The following GIPC2 variants were observed in gnomAD, a reference collection of about 807,000 sequenced individuals.
GIPC2 encodes the protein GIPC PDZ domain containing family member 2, also known as PDZ domain-containing protein GIPC2.
In GIPC2, 30 loss-of-function variants were observed where a neutral mutation model predicts 30.6. The observed-to-expected ratio is 0.98, with a 90% confidence interval of 0.73 to 1.33. GIPC2 has a LOEUF of 1.33. Ranked by LOEUF, GIPC2 falls within the 40% of genes most tolerant of loss-of-function variation. GIPC2 has a pLI of 0.00. For synonymous variants in GIPC2, 167 were observed against 150.0 expected (o/e 1.11, Z -0.83); for missense variants, 414 against 390.3 (o/e 1.06, Z -0.51).
chr1:78,106,850 AT>A (rs1557544877), intron 3 of GIPC2, among the ~76,000 whole-genome samples: 3 of 150,960 alleles, frequency 2.0e-5, no homozygotes. Flanking sequence ...CTAATTTTGT[AT>A]TTTTAGTAGA....
At position 78,046,041 on chromosome 1, in the gene GIPC2, G is replaced by C. The variant is rs1016829519; in HGVS notation, c.-54G>C. The C allele has an allele frequency of 9.6e-5, 135 of 1,399,990 alleles. No individual in the cohort carries two copies. The highest frequency in any genetic ancestry group is 2.2e-4 in the Admixed American group (6 of 26,736). The allele number at this position is 1,399,990 out of a possible 1,614,324, so 86.7% of individuals were successfully genotyped here. ...GGGGCGCAAAGTCCGAGGCGCCGGG[G>C]GGAGGAGGCGGCGGACGGCAGCGCA... On this transcript the variant is annotated 5_prime_UTR_variant, in exon 1 of 6. Transcript: ENST00000370759.
At chr1:78,091,451 G>T in intron 2 of GIPC2, 1 of 603,332 alleles carries the variant, frequency 1.7e-6, no homozygotes, top group Non-Finnish European at 3.0e-6. Context: ...CCTTTGCCTG[G>T]CTTGGTGGCT....
intron 5 of GIPC2, among the ~76,000 whole-genome samples, chr1:78,128,666 A>G (rs543413266): frequency 1.8e-4 from 28 of 152,340 alleles, no homozygotes; most frequent in South Asian, 1.5e-3. Context: ...ACATACGCAT[A>G]GATGTATTTA....
chr1:78,070,398 G>A (rs1291419785), intron 1 of GIPC2, among the ~76,000 whole-genome samples: 1 of 152,156 alleles, frequency 6.6e-6, no homozygotes, highest in Admixed American at 6.5e-5. Context: ...AAATTTAACA[G>A]CACCTGACGG....
chr1:78,083,386 T>C (rs189091873), intron 2 of GIPC2, among the ~76,000 whole-genome samples: 122 of 152,334 alleles, frequency 8.0e-4, no homozygotes, highest in Non-Finnish European at 1.5e-3. Context: ...AGAAGGTACA[T>C]GAAACTGGTT....
At chr1:78,075,509 G>A (rs749436816) in intron 1 of GIPC2, among the ~76,000 whole-genome samples, 1 of 152,280 alleles carries the variant, frequency 6.6e-6, no homozygotes, top group South Asian at 2.1e-4. Context: ...GCAACTCACC[G>A]ATGTCACCAA....
chr1:78,094,978 C>T lies in GIPC2; in HGVS notation c.453C>T (p.Asp151=), dbSNP rs763440770. 2.5e-6 allele frequency: 4 copies of T among 1,600,860 alleles called. No homozygotes were observed. Among genetic ancestry groups the T allele is most frequent in the East Asian group, 4.5e-5 (2 of 44,812 alleles). The change falls in exon 3 of 6, where the codon GAC becomes GAT. Residue 151 remains aspartate, a synonymous_variant. Transcript: ENST00000370759. ...GAATTAAAGATGGTGGTGTTATTGA[C>T]TCAGTTAAAACAATCTGTGTTGGGG... The part of the protein sequence containing the change: ...IKRIKDGGVI[D]SVKTICVGDH...
At chr1:78,078,931 G>C (rs183116198) in intron 1 of GIPC2, among the ~76,000 whole-genome samples, 16 of 151,338 alleles carry the variant, frequency 1.1e-4, no homozygotes, top group Admixed American at 3.3e-4. Context: ...AGTCAGAAAA[G>C]CTGTTTTCTA....
intron 2 of GIPC2, among the ~76,000 whole-genome samples, chr1:78,085,897 G>GTTT (rs35412467): frequency 2.2e-4 from 27 of 120,286 alleles, no homozygotes; most frequent in South Asian, 5.5e-4. Context: ...TCTTTTGAAT[G>GTTT]TTTTTTTTTT....
intron 1 of GIPC2, among the ~76,000 whole-genome samples, chr1:78,056,417 G>T (rs1294877265): frequency 6.6e-6 from 1 of 152,180 alleles, no homozygotes. Flanking sequence ...GGTGGAGGTT[G>T]CAGTGAGCTG....
intron 2 of GIPC2, chr1:78,091,587 C>T (rs1571501506): frequency 1.3e-6 from 1 of 760,878 alleles, no homozygotes; most frequent in South Asian, 1.4e-5. Context: ...AAGTCCTTCG[C>T]GATCTTCTTC....
chr1:78,050,585 C>T (rs1306230890), intron 1 of GIPC2, among the ~76,000 whole-genome samples: 2 of 151,860 alleles, frequency 1.3e-5, no homozygotes, highest in African/African-American at 4.8e-5. Context: ...TTAACTCCTA[C>T]ATAAATGCAA....
At chr1:78,086,009 G>A (rs1661922450) in intron 2 of GIPC2, among the ~76,000 whole-genome samples, 1 of 149,588 alleles carries the variant, frequency 6.7e-6, no homozygotes, top group African/African-American at 2.5e-5. Context: ...TAGTTGTGAT[G>A]TTAGGTAGTT....
At chr1:78,055,075 C>T (rs1165118809) in intron 1 of GIPC2, among the ~76,000 whole-genome samples, 1 of 152,138 alleles carries the variant, frequency 6.6e-6, no homozygotes. Context: ...TTCTAAACAA[C>T]AAAAATTTAT....
intron 1 of GIPC2, among the ~76,000 whole-genome samples, chr1:78,051,100 A>G (rs2102633705): frequency 6.6e-6 from 1 of 152,244 alleles, no homozygotes; most frequent in Middle Eastern, 3.4e-3. Context: ...ATATTGTAGG[A>G]AAAAATAATG....
intron 3 of GIPC2, among the ~76,000 whole-genome samples, chr1:78,117,167 A>G (rs1483686815): frequency 1.3e-5 from 2 of 152,226 alleles, no homozygotes; most frequent in Non-Finnish European, 2.9e-5. Context: ...CCTCATGAAA[A>G]AGTGGGCAAA....
rs1170637334 is a variant in GIPC2, at chr1:78,119,396, T to C, written c.611T>C (p.Ile204Thr). The change falls in exon 4 of 6, where the codon ATA becomes ACA. Residue 204 changes from isoleucine (I) to threonine (T), a missense_variant. Ile to Thr is a moderately conservative substitution (Grantham distance 89). Coordinates refer to ENST00000370759, the MANE Select transcript of GIPC2 (RefSeq NM_017655.6). ...KLIEPKKAFE[I>T]ELRSKAGKSS... Reference sequence around the variant, plus strand: ...TTCCCTGTTCATTGTATTGTAGAAATAGAGCTGAGGTCAAAGGCTGGAAAG... The same window carrying C: ...TTCCCTGTTCATTGTATTGTAGAAACAGAGCTGAGGTCAAAGGCTGGAAAG... The C allele has an allele frequency of 6.3e-7, 1 of 1,576,782 alleles. No homozygotes were observed. Among genetic ancestry groups the C allele is most frequent in the Non-Finnish European group, 8.7e-7 (1 of 1,146,526 alleles).
At chr1:78,096,789 G>T (rs1235833953) in intron 3 of GIPC2, among the ~76,000 whole-genome samples, 1 of 152,136 alleles carries the variant, frequency 6.6e-6, no homozygotes, top group East Asian at 1.9e-4. Flanking sequence ...CCTAATAGAG[G>T]TATATTATTT....
chr1:78,095,735 G>A (rs1427173920), intron 3 of GIPC2, among the ~76,000 whole-genome samples: 1 of 152,056 alleles, frequency 6.6e-6, no homozygotes, highest in East Asian at 1.9e-4. Context: ...CTCATCTACA[G>A]AAAAATGTGC....
Sources: gnomAD v4.1 joint callset for allele counts (sites outside exome capture counted in the v4.1 genomes callset) on GRCh38, gnomAD v4.1.1 for gene constraint, MANE v1.5 for transcripts, NCBI Gene and HGNC (gene_info 2026-07-23, HGNC 2026-07-21) for gene names.